Variants in ZDHHC20 observed in about 807,000 individuals in gnomAD.
ZDHHC20 encodes palmitoyltransferase ZDHHC20.
ZDHHC20 carries 43 observed loss-of-function variants against 57.8 expected under a neutral mutation model. That is an observed-to-expected ratio of 0.74 (90% CI 0.58 to 0.96). The LOEUF is 0.96. Among genes scored for constraint, ZDHHC20 ranks in the 40% least tolerant of loss-of-function variants. The pLI is 0.00. For missense variants in ZDHHC20, 391 were observed against 441.1 expected, an observed-to-expected ratio of 0.89 and a Z score of 1.02; for synonymous variants, 157 against 153.0, an observed-to-expected ratio of 1.03 and a Z score of -0.19.
At chr13:21,456,987 G>A (rs1317404241) in intron 1 of ZDHHC20, among the ~76,000 whole-genome samples, 1 of 152,122 alleles carries the variant, frequency 6.6e-6, no homozygotes. Context: ...TAACCAAAAG[G>A]ACCTATTCGC....
At chr13:21,376,787 C>G in intron 12 of ZDHHC20, 132 bp from the exon 13 acceptor site, 1 of 483,034 alleles carries the variant, frequency 2.1e-6, no homozygotes, top group Non-Finnish European at 3.6e-6. Flanking sequence ...CTTAACACTA[C>G]TAATATTATA....
rs1383215044 is a variant in ZDHHC20 at position 21,376,916 on chromosome 13, C to A, written c.*41-261G>T. 2.5e-5 allele frequency: 6 copies of A among 242,698 alleles called. No homozygotes were observed. The East Asian group carries it at 5.8e-4, about 24-fold the overall frequency. 15.0% of individuals were successfully genotyped at this position (242,698 alleles called of 1,614,324 possible). A position where few individuals can be genotyped will look rare whatever the true frequency, so the allele number is the denominator to read the frequency against. ...ACTCCCAGACTGCTAACTTGGACAT[C>A]ATCTGAGAAGACATCTGGTCCACCT... On this transcript the variant is annotated intron_variant, in intron 12 of 12. Coordinates refer to ENST00000400590, the MANE Select transcript of ZDHHC20 (RefSeq NM_001330059.2).
Position 21,459,082 on chromosome 13 carries a change from G to A in ZDHHC20, c.90C>T (p.Tyr30=). 1.2e-6 allele frequency: 2 copies of A among 1,606,016 alleles called. No homozygotes were observed. Among genetic ancestry groups the A allele is most frequent in the Non-Finnish European group, 1.7e-6 (2 of 1,176,978 alleles). Reference sequence around the variant, plus strand: ...CGCAGAGCTCCACCACGTACGCGTAGTAGGACCAGACGACCACGAAGGTGA... The same window carrying A: ...CGCAGAGCTCCACCACGTACGCGTAATAGGACCAGACGACCACGAAGGTGA... The part of the protein sequence containing the change: ...LFITFVVVWS[Y]YAYVVELCVF... Residue 30 remains tyrosine (Y), a synonymous_variant, in exon 1 of 13, where the codon TAC becomes TAT. Transcript: ENST00000400590.
At chr13:21,380,790 CAAA>C (rs552347815) in intron 11 of ZDHHC20, among the ~76,000 whole-genome samples, 1 of 124,104 alleles carries the variant, frequency 8.1e-6, no homozygotes. Context: ...AATTCCATCT[CAAA>C]AAAAAAAAAA....
At chr13:21,419,994 T>C (rs528069168) in intron 3 of ZDHHC20, among the ~76,000 whole-genome samples, 29 of 152,306 alleles carry the variant, frequency 1.9e-4, no homozygotes, top group African/African-American at 7.0e-4. Flanking sequence ...ACTAGTATTT[T>C]AAAAGCTTAG....
chr13:21,401,516 C>T lies in ZDHHC20; in HGVS notation c.473+137G>A, dbSNP rs572807522. 7 of 694,408 alleles carry T rather than the reference C, an allele frequency of 1.0e-5. 1 individual carries two copies. In the South Asian group the frequency reaches 1.2e-4, roughly 12 times the overall value. The allele number at this position is 694,408 out of a possible 1,614,324, so 43.0% of individuals were successfully genotyped here. A position where few individuals can be genotyped will look rare whatever the true frequency, so the allele number is the denominator to read the frequency against. On this transcript the variant is annotated intron_variant, in intron 6 of 12. Coordinates refer to ENST00000400590, the MANE Select transcript of ZDHHC20 (RefSeq NM_001330059.2). ...ACCATTTAATATAACTGTTTACATA[C>T]AAATCTATGCATATATGTAAAGAGA...
intron 7 of ZDHHC20, among the ~76,000 whole-genome samples, chr13:21,398,973 G>T (rs1233888764): frequency 1.3e-5 from 2 of 152,148 alleles, no homozygotes; most frequent in African/African-American, 4.8e-5. Flanking sequence ...GGGCTGAAGG[G>T]GAAAGAGAAA....
chr13:21,434,971 T>A (rs1882394103), intron 1 of ZDHHC20, among the ~76,000 whole-genome samples: 1 of 151,802 alleles, frequency 6.6e-6, no homozygotes, highest in African/African-American at 2.4e-5. Context: ...GTGGGATTAC[T>A]GAACCAAAAG....
chr13:21,392,208 C>G (rs1875843883), intron 7 of ZDHHC20, among the ~76,000 whole-genome samples: 1 of 136,704 alleles, frequency 7.3e-6, no homozygotes, highest in Non-Finnish European at 1.5e-5. Flanking sequence ...GAGACCCTGT[C>G]TCATAAAAAA....
chr13:21,435,714 C>A (rs1882475410), intron 1 of ZDHHC20, among the ~76,000 whole-genome samples: 1 of 152,148 alleles, frequency 6.6e-6, no homozygotes, highest in African/African-American at 2.4e-5. Flanking sequence ...ACAGTAATAA[C>A]TGTTTCAAGC....
Position 21,376,634 on chromosome 13 carries a change from A to G in ZDHHC20, c.*62T>C. ...CTTGCAAATGAAAATTGAAAATACCAGTCTATAATGTTTTCATACACCTAC... is the reference window on the plus strand; with the variant it reads ...CTTGCAAATGAAAATTGAAAATACCGGTCTATAATGTTTTCATACACCTAC... On this transcript the variant is annotated 3_prime_UTR_variant, in exon 13 of 13. Transcript: ENST00000400590. 1 of 1,396,176 alleles carries G rather than the reference A, an allele frequency of 7.2e-7. No homozygotes were observed. Among genetic ancestry groups the G allele is most frequent in the Non-Finnish European group, 9.6e-7 (1 of 1,038,446 alleles). The allele number at this position is 1,396,176 out of a possible 1,614,324, so 86.5% of individuals were successfully genotyped here. A position where few individuals can be genotyped will look rare whatever the true frequency, so the allele number is the denominator to read the frequency against.
intron 2 of ZDHHC20, 79 bp from the exon 3 acceptor site, chr13:21,421,243 G>T (rs1880617279): frequency 9.3e-7 from 1 of 1,079,344 alleles, no homozygotes; most frequent in Non-Finnish European, 1.4e-6. Flanking sequence ...CACAATAATT[G>T]GGTCAGGAGG....
At chr13:21,408,399 C>A (rs1038782664) in intron 4 of ZDHHC20, among the ~76,000 whole-genome samples, 1 of 152,096 alleles carries the variant, frequency 6.6e-6, no homozygotes, top group Non-Finnish European at 1.5e-5. Flanking sequence ...TGGGAGGTCA[C>A]TCATGATTTG....
chr13:21,418,750 T>C (rs1310048986), intron 3 of ZDHHC20, among the ~76,000 whole-genome samples: 1 of 152,204 alleles, frequency 6.6e-6, no homozygotes, highest in Non-Finnish European at 1.5e-5. Context: ...CACGGCTCAC[T>C]GCAGGCTAAA....
intron 4 of ZDHHC20, among the ~76,000 whole-genome samples, chr13:21,410,319 C>T (rs1879032469): frequency 6.6e-6 from 1 of 152,150 alleles, no homozygotes; most frequent in African/African-American, 2.4e-5. Flanking sequence ...GAGGTGTCTC[C>T]CAGTCAGGAG....
At chr13:21,407,406 T>C (rs1195890288) in intron 4 of ZDHHC20, among the ~76,000 whole-genome samples, 3 of 152,240 alleles carry the variant, frequency 2.0e-5, no homozygotes, top group African/African-American at 7.2e-5. Context: ...TTAAAATATG[T>C]TTGTTGGTCA....
intron 1 of ZDHHC20, among the ~76,000 whole-genome samples, chr13:21,429,095 T>C (rs1032878806): frequency 1.3e-5 from 2 of 152,176 alleles, no homozygotes; most frequent in African/African-American, 2.4e-5. Flanking sequence ...TTCTTGCCTG[T>C]CTCCCACTTA....
At position 21,381,421 on chromosome 13, in the gene ZDHHC20, T is replaced by C. The variant is rs1873388514; in HGVS notation, c.1060+13A>G. ...GAACCAGACAAAGCAGTGTTTCAAA[T>C]GAGAACTATTACCTGATTTGACGAT... On this transcript the variant is annotated intron_variant, in intron 11 of 12. Transcript: ENST00000400590. The C allele has an allele frequency of 1.9e-6, 3 of 1,593,728 alleles. No individual in the cohort carries two copies. The highest frequency in any genetic ancestry group is 2.2e-5 in the South Asian group (2 of 90,524).
intron 2 of ZDHHC20, 49 bp from the exon 3 acceptor site, chr13:21,421,213 C>T: frequency 6.8e-7 from 1 of 1,469,430 alleles, no homozygotes; most frequent in African/African-American, 1.4e-5. Flanking sequence ...GTGAAAACAG[C>T]AAAAAGCATT....
Sources: gnomAD v4.1 joint callset for allele counts (sites outside exome capture counted in the v4.1 genomes callset) on GRCh38, gnomAD v4.1.1 for gene constraint, MANE v1.5 for transcripts, NCBI Gene and HGNC (gene_info 2026-07-23, HGNC 2026-07-21) for gene names.